The following FAM117A variants were observed in gnomAD, a reference collection of about 807,000 sequenced individuals.
FAM117A encodes family with sequence similarity 117 member A, also known as protein FAM117A.
Under a neutral mutation model 44.1 loss-of-function variants are expected in FAM117A, and 21 were observed. The observed-to-expected ratio is 0.48, with a 90% confidence interval of 0.34 to 0.69. FAM117A has a LOEUF of 0.69. Ranked by LOEUF, FAM117A falls within the 30% of genes least tolerant of loss-of-function variation. The pLI is 0.01. For synonymous variants in FAM117A, 220 were observed against 238.3 expected, an observed-to-expected ratio of 0.92 and a Z score of 0.71; for missense variants, 498 against 589.9, an observed-to-expected ratio of 0.84 and a Z score of 1.61.
intron 7 of FAM117A, 23 bp from the exon 8 acceptor site, chr17:49,711,578 C>G (rs772625696): frequency 6.2e-7 from 1 of 1,609,264 alleles, no homozygotes; most frequent in Admixed American, 1.7e-5. Context: ...GAGAGACACA[C>G]AAGACACATA....
At chr17:49,722,655 C>T (rs776715499) in intron 2 of FAM117A, 61 bp from the exon 3 acceptor site, 7 of 1,392,438 alleles carry the variant, frequency 5.0e-6, no homozygotes, top group Non-Finnish European at 7.1e-6. Flanking sequence ...GGGGAACAGG[C>T]ACACTGTTTT....
In FAM117A at chr17:49,719,511, C is replaced by T. The variant is rs2073523042; in HGVS notation, c.708+249G>A. 6 of 369,876 alleles carry T rather than the reference C, an allele frequency of 1.6e-5. No individual in the cohort carries two copies. In the South Asian group the frequency reaches 4.3e-4, roughly 27 times the overall value. 22.9% of individuals were successfully genotyped at this position (369,876 alleles called of 1,614,324 possible). On this transcript the variant is annotated intron_variant, in intron 5 of 7. Transcript: ENST00000240364. ...CTGTCTGTTCCTCCCAGCGGGGGGG[C>T]CTCCTCTCTGCCAATCCTTGCCCCC...
intron 1 of FAM117A, among the ~76,000 whole-genome samples, chr17:49,779,555 G>A (rs1485636909): frequency 6.6e-6 from 1 of 152,168 alleles, no homozygotes; most frequent in African/African-American, 2.4e-5. Context: ...CCAAGACTAT[G>A]GCTCTTTTTC....
chr17:49,722,170 G>C (rs2073537857), intron 3 of FAM117A, among the ~76,000 whole-genome samples: 1 of 152,134 alleles, frequency 6.6e-6, no homozygotes, highest in South Asian at 2.1e-4. Flanking sequence ...TAATTCCCAG[G>C]AACTCCCTCC....
At chr17:49,764,696 A>G (rs1291513909), upstream of FAM117A, among the ~76,000 whole-genome samples, 1 of 152,222 alleles carries the variant, frequency 6.6e-6, no homozygotes, top group East Asian at 1.9e-4. Context: ...CAAGCTCCAA[A>G]CTAAGATCCT....
chr17:49,717,640 G>A lies in FAM117A; in HGVS notation c.783C>T (p.Leu261=). ...QSGSCDHPLL[L]LEPGNLASSP... is the part of the protein sequence containing the mutation. ...AGCTGGCAAGGTTGCCAGGCTCCAGGAGGAGGAGGGGATGATCACAGCTGC... is the reference window on the plus strand; with the variant it reads ...AGCTGGCAAGGTTGCCAGGCTCCAGAAGGAGGAGGGGATGATCACAGCTGC... The change falls in exon 6 of 8, where the codon CTC becomes CTT. Residue 261 remains leucine (L), a synonymous_variant. Transcript: ENST00000240364. 1 of 1,613,812 alleles carries A rather than the reference G, an allele frequency of 6.2e-7. No individual in the cohort carries two copies. Among genetic ancestry groups the A allele is most frequent in the Non-Finnish European group, 8.5e-7 (1 of 1,179,782 alleles).
intron 5 of FAM117A, among the ~76,000 whole-genome samples, chr17:49,718,495 C>T (rs2073516008): frequency 1.3e-5 from 2 of 151,660 alleles, no homozygotes; most frequent in African/African-American, 4.8e-5. Flanking sequence ...AGTGAAACCC[C>T]GTCTCTACTC....
At chr17:49,745,764 A>T (rs1227490244) in intron 1 of FAM117A, among the ~76,000 whole-genome samples, 1 of 152,230 alleles carries the variant, frequency 6.6e-6, no homozygotes, top group South Asian at 2.1e-4. Flanking sequence ...TGTTAGTCTC[A>T]AAAAACAAAT....
intron 2 of FAM117A, among the ~76,000 whole-genome samples, chr17:49,723,139 T>A (rs1181423748): frequency 6.6e-6 from 1 of 152,130 alleles, no homozygotes; most frequent in East Asian, 1.9e-4. Flanking sequence ...GTGCAGTGCT[T>A]CATTTTTCCC....
upstream of FAM117A, chr17:49,764,138 C>A (rs752459724): frequency 9.1e-6 from 9 of 984,016 alleles, no homozygotes; most frequent in Non-Finnish European, 1.2e-5. Context: ...ACACAGCCCC[C>A]CAACCCCCGA....
At chr17:49,727,575 G>A (rs903084853) in intron 2 of FAM117A, among the ~76,000 whole-genome samples, 2 of 152,164 alleles carry the variant, frequency 1.3e-5, no homozygotes. Flanking sequence ...AAAACTGGAC[G>A]TGGCCAGACC....
chr17:49,753,110 G>A (rs560205711), intron 1 of FAM117A, among the ~76,000 whole-genome samples: 2 of 152,192 alleles, frequency 1.3e-5, no homozygotes, highest in African/African-American at 4.8e-5. Context: ...TGATCTGCCC[G>A]CCTCGGCCTC....
intron 1 of FAM117A, among the ~76,000 whole-genome samples, chr17:49,734,833 G>A (rs2073603604): frequency 6.6e-6 from 1 of 152,046 alleles, no homozygotes; most frequent in South Asian, 2.1e-4. Flanking sequence ...TCCATACTGT[G>A]GAATACTATT....
At chr17:49,767,950 CAAT>C (rs2143793277), upstream of FAM117A, among the ~76,000 whole-genome samples, 1 of 151,932 alleles carries the variant, frequency 6.6e-6, no homozygotes, top group East Asian at 1.9e-4. Context: ...CTAAGTGTAT[CAAT>C]AATTTTTTTT....
intron 1 of FAM117A, among the ~76,000 whole-genome samples, chr17:49,739,405 C>A (rs80152363): frequency 0.065 from 9,901 of 152,172 alleles, 718 homozygotes; most frequent in African/African-American, 0.17. Context: ...GGGTAGAATA[C>A]AAAGCTGCTT....
chr17:49,716,909 A>G (rs1420931702), intron 6 of FAM117A, among the ~76,000 whole-genome samples: 1 of 152,192 alleles, frequency 6.6e-6, no homozygotes, highest in Non-Finnish European at 1.5e-5. Flanking sequence ...TTGTTAGATC[A>G]TGCCCTTGAC....
chr17:49,760,358 G>A (rs1238711306), intron 1 of FAM117A, among the ~76,000 whole-genome samples: 2 of 152,184 alleles, frequency 1.3e-5, no homozygotes, highest in African/African-American at 4.8e-5. Context: ...TTTCTGTAAA[G>A]TGACATATAG....
At position 49,785,390 on chromosome 17, in the gene FAM117A, T is replaced by C. The variant is rs575431576; in HGVS notation, c.-621+3107A>G. Among the ~76,000 whole-genome samples the C allele has an allele frequency of 5.3e-5, 8 of 152,300 alleles. No individual in the cohort carries two copies. In the South Asian group the frequency reaches 1.7e-3, roughly 32 times the overall value. On this transcript the variant is annotated intron_variant, in intron 1 of 7. Coordinates refer to the FAM117A transcript ENST00000513602. ...AGCCAGGCATGGTGGTGTGTACCTG[T>C]AGTCCTAGCTACTCGGGAGGCTGAC... is the stretch of plus-strand genomic sequence containing the variant.
intron 2 of FAM117A, among the ~76,000 whole-genome samples, chr17:49,728,177 G>A (rs1024031829): frequency 5.9e-5 from 9 of 152,178 alleles, no homozygotes; most frequent in African/African-American, 2.2e-4. Context: ...TCGCCAATCT[G>A]GAAAACAGGC....
Sources: gnomAD v4.1 joint callset for allele counts (sites outside exome capture counted in the v4.1 genomes callset) on GRCh38, gnomAD v4.1.1 for gene constraint, MANE v1.5 for transcripts, NCBI Gene and HGNC (gene_info 2026-07-23, HGNC 2026-07-21) for gene names.